Variants in SAXO1 observed in about 807,000 individuals in gnomAD.
SAXO1 encodes stabilizer of axonemal microtubules 1.
A neutral mutation model predicts 17.5 loss-of-function variants in SAXO1; 21 were observed. That is an observed-to-expected ratio of 1.20 (90% confidence interval 0.85 to 1.72). SAXO1 has a LOEUF of 1.72. Among genes scored for constraint, SAXO1 ranks in the 40% most tolerant of loss-of-function variants. The pLI is 0.00. For synonymous variants in SAXO1, 274 were observed against 216.5 expected (o/e 1.27, Z -2.33); for missense variants, 843 against 596.0 (o/e 1.41, Z -4.32).
At chr9:18,995,972 G>A (rs552437050) in intron 1 of SAXO1, among the ~76,000 whole-genome samples, 11 of 151,928 alleles carry the variant, frequency 7.2e-5, no homozygotes, top group South Asian at 2.1e-4. Context: ...CCAGCTATTC[G>A]GGAGGCTGGG....
intron 1 of SAXO1, among the ~76,000 whole-genome samples, chr9:19,039,333 T>C (rs1176149738): frequency 6.6e-6 from 1 of 152,336 alleles, no homozygotes; most frequent in Non-Finnish European, 1.5e-5. Flanking sequence ...ATTGTTGGGA[T>C]GTGATTATAA....
At chr9:18,943,362 G>A (rs1017826934) in intron 2 of SAXO1, among the ~76,000 whole-genome samples, 6 of 152,184 alleles carry the variant, frequency 3.9e-5, no homozygotes, top group African/African-American at 4.8e-5. Flanking sequence ...TGTACATATC[G>A]GGGCTTATGG....
At chr9:19,017,954 G>C (rs2131008570) in intron 1 of SAXO1, among the ~76,000 whole-genome samples, 1 of 152,278 alleles carries the variant, frequency 6.6e-6, no homozygotes, top group South Asian at 2.1e-4. Context: ...GATCACTTGA[G>C]CCTAGGAGGT....
chr9:19,032,341 G>A (rs1344511570), intron 1 of SAXO1, among the ~76,000 whole-genome samples: 11 of 152,194 alleles, frequency 7.2e-5, no homozygotes, highest in African/African-American at 2.7e-4. Context: ...GTCCTTAAAG[G>A]TTAGAAGGGA....
chr9:19,016,369 G>A (rs1457867902), intron 1 of SAXO1, among the ~76,000 whole-genome samples: 2 of 152,212 alleles, frequency 1.3e-5, no homozygotes, highest in Non-Finnish European at 2.9e-5. Context: ...CCAGGTGGCG[G>A]AGGTTGTAGT....
intron 1 of SAXO1, among the ~76,000 whole-genome samples, chr9:19,017,999 C>G (rs1835059545): frequency 6.6e-6 from 1 of 152,088 alleles, no homozygotes; most frequent in Non-Finnish European, 1.5e-5. Flanking sequence ...AAAATCTCAT[C>G]TCTACAAAAA....
At chr9:19,033,579 G>GT (rs1216335269), upstream of SAXO1, among the ~76,000 whole-genome samples, 2 of 152,212 alleles carry the variant, frequency 1.3e-5, no homozygotes, top group African/African-American at 4.8e-5. Context: ...TCTTCCTGTG[G>GT]AAACCTAGGC....
chr9:18,968,613 G>A (rs1316583529), intron 1 of SAXO1, among the ~76,000 whole-genome samples: 4 of 124,936 alleles, frequency 3.2e-5, no homozygotes, highest in African/African-American at 2.0e-4. Context: ...TTTTTTTTGA[G>A]ACGCAGTTTC....
chr9:19,034,332 T>C (rs992406460), upstream of SAXO1, among the ~76,000 whole-genome samples: 2 of 149,716 alleles, frequency 1.3e-5, no homozygotes, highest in African/African-American at 5.1e-5. Flanking sequence ...CAGCAAACTA[T>C]TGTCTGCAGT....
rs770492856 is a variant in SAXO1 at position 18,928,731 on chromosome 9, C to G, written c.746G>C (p.Gly249Ala). ...TQKQSYRGLM[G>A]EPAKSLKPLA... is the part of the protein sequence containing the mutation. ...AGGTTTCAAGCTCTTGGCAGGCTCC[C>G]CCATCAGGCCCCGGTAGGATTGTTT... Residue 249 changes from glycine to alanine, a missense_variant, in exon 4 of 4, where the codon GGG becomes GCG. Physicochemically the swap from Gly to Ala is moderately conservative, Grantham distance 60. Coordinates refer to ENST00000380534, the MANE Select transcript of SAXO1 (RefSeq NM_153707.4). 4.3e-6 allele frequency: 7 copies of G among 1,614,090 alleles called. No individual in the cohort carries two copies. Among genetic ancestry groups the G allele is most frequent in the African/African-American group, 1.3e-5 (1 of 74,998 alleles).
At chr9:19,001,638 C>T (rs1459160749) in intron 1 of SAXO1, among the ~76,000 whole-genome samples, 1 of 150,464 alleles carries the variant, frequency 6.6e-6, no homozygotes. Flanking sequence ...TGCACTCTAG[C>T]CTGGGCAACA....
chr9:18,946,222 G>T (rs1407162330), intron 2 of SAXO1, among the ~76,000 whole-genome samples: 2 of 143,080 alleles, frequency 1.4e-5, no homozygotes, highest in East Asian at 4.1e-4. Context: ...GTTGCGGTGA[G>T]CCGAGATCGT....
intron 1 of SAXO1, among the ~76,000 whole-genome samples, chr9:18,990,284 C>G (rs1407077623): frequency 6.6e-6 from 1 of 152,036 alleles, no homozygotes; most frequent in Non-Finnish European, 1.5e-5. Context: ...ATAACAAACG[C>G]TCCCAGTTAA....
chr9:19,039,907 T>G (rs926772076), intron 1 of SAXO1, among the ~76,000 whole-genome samples: 1 of 152,152 alleles, frequency 6.6e-6, no homozygotes, highest in African/African-American at 2.4e-5. Context: ...TTTTGTATTT[T>G]TAGTAGAGAC....
intron 3 of SAXO1, among the ~76,000 whole-genome samples, chr9:18,940,107 G>A (rs1418339119): frequency 2.6e-5 from 4 of 152,192 alleles, no homozygotes; most frequent in South Asian, 2.1e-4. Context: ...GACTCCATGG[G>A]GAGGGACAGA....
chr9:19,040,269 C>G (rs1468896145), intron 1 of SAXO1, among the ~76,000 whole-genome samples: 2 of 152,152 alleles, frequency 1.3e-5, no homozygotes, highest in Admixed American at 1.3e-4. Context: ...ATTTCAAATA[C>G]TGATACCCTC....
chr9:18,940,043 G>C (rs1226918784), intron 3 of SAXO1, among the ~76,000 whole-genome samples: 1 of 152,206 alleles, frequency 6.6e-6, no homozygotes, highest in Non-Finnish European at 1.5e-5. Context: ...TGAAGAGAGA[G>C]GGACTCTCGG....
chr9:19,015,439 A>G (rs4298579), intron 1 of SAXO1, among the ~76,000 whole-genome samples: 72,827 of 151,982 alleles, frequency 0.48, 18,616 homozygotes, highest in Non-Finnish European at 0.58. Flanking sequence ...CGCCTCCCGG[A>G]TTCAAGTGAT....
chr9:18,977,882 C>G (rs1397088847), intron 1 of SAXO1, among the ~76,000 whole-genome samples: 1 of 151,144 alleles, frequency 6.6e-6, no homozygotes, highest in Non-Finnish European at 1.5e-5. Flanking sequence ...GTAATGCCAG[C>G]TACTCGGGAG....
Sources: allele counts gnomAD v4.1 joint callset (sites outside exome capture counted in the v4.1 genomes callset), GRCh38; gene constraint gnomAD v4.1.1; transcripts MANE v1.5; gene names NCBI Gene and HGNC (gene_info 2026-07-23, HGNC 2026-07-21).